Variants in SH3BGRL observed in about 807,000 individuals in gnomAD.
SH3BGRL encodes SH3 domain binding glutamate rich protein like.
In SH3BGRL, 7 loss-of-function variants were observed where a neutral mutation model predicts 9.8. That is an observed-to-expected ratio of 0.72 (90% confidence interval 0.41 to 1.35). SH3BGRL has a LOEUF of 1.35. SH3BGRL is among the 40% of genes most tolerant of loss of function. The probability of loss-of-function intolerance (pLI) is 0.01; values close to 1 mark genes in which losing one functional copy is unlikely to be tolerated. For missense variants in SH3BGRL, 73 were observed against 84.4 expected (o/e 0.86, Z 0.53); for synonymous variants, 36 against 29.1 (o/e 1.24, Z -0.76).
At chrX:81,254,026 C>T (rs773549883) in intron 1 of SH3BGRL, among the ~76,000 whole-genome samples, 7 of 111,451 alleles carry the variant, frequency 6.3e-5, no homozygotes, top group Non-Finnish European at 1.3e-4. Flanking sequence ...GTGTTATCTG[C>T]CAGCATCCTT....
At chrX:81,267,650 A>T (rs931945056) in intron 1 of SH3BGRL, among the ~76,000 whole-genome samples, 1 of 111,298 alleles carries the variant, frequency 9.0e-6, no homozygotes, top group Non-Finnish European at 1.9e-5. Flanking sequence ...TTCATCAGGG[A>T]TATTGGCCTA....
chrX:81,277,012 G>T lies in SH3BGRL; in HGVS notation c.74G>T (p.Gly25Val). The T allele has an allele frequency of 1.7e-6, 2 of 1,208,656 alleles. No individual in the cohort carries two copies. Among genetic ancestry groups the T allele is most frequent in the Non-Finnish European group, 2.2e-6 (2 of 894,113 alleles). ...AAGAAGAAACAACAAGATGTGCTTG[G>T]TTTCCTAGAAGCCAACAAAATAGGA... ...AIKKKQQDVL[G>V]FLEANKIGFE... Residue 25 changes from glycine (G) to valine (V), a missense_variant, in exon 2 of 4, where the codon GGT (glycine) becomes GTT (valine). Coordinates refer to ENST00000373212, the MANE Select transcript of SH3BGRL (RefSeq NM_003022.3).
intron 3 of SH3BGRL, among the ~76,000 whole-genome samples, chrX:81,284,439 G>A (rs1209678531): frequency 9.1e-6 from 1 of 110,088 alleles, no homozygotes; most frequent in Non-Finnish European, 1.9e-5. Flanking sequence ...AGGAATTAAT[G>A]AGTTGCTTGT....
At chrX:81,253,970 A>T (rs2075718244) in intron 1 of SH3BGRL, among the ~76,000 whole-genome samples, 1 of 111,427 alleles carries the variant, frequency 9.0e-6, no homozygotes, top group Non-Finnish European at 1.9e-5. Context: ...GGTAAAAGAA[A>T]ATGCTGATAC....
intron 1 of SH3BGRL, among the ~76,000 whole-genome samples, chrX:81,269,532 T>G (rs1044520380): frequency 1.7e-4 from 19 of 111,980 alleles, no homozygotes; most frequent in African/African-American, 6.2e-4. Context: ...TTTAAGAATG[T>G]TGAATATTGG....
At chrX:81,243,352 G>T (rs1410046506) in intron 1 of SH3BGRL, among the ~76,000 whole-genome samples, 1 of 111,859 alleles carries the variant, frequency 8.9e-6, no homozygotes, top group Non-Finnish European at 1.9e-5. Flanking sequence ...TAAACTCATG[G>T]CCATAGAAAG....
At chrX:81,277,226 T>A in intron 2 of SH3BGRL, 57 bp downstream of exon 2, 1 of 1,006,910 alleles carries the variant, frequency 9.9e-7, no homozygotes, top group African/African-American at 1.9e-5. Flanking sequence ...AATCTATCCA[T>A]TATTTTCACC....
In SH3BGRL at chrX:81,286,806, C is replaced by G. The variant is rs755626887; in HGVS notation, c.312+8395C>G. On this transcript the variant is annotated intron_variant, in intron 3 of 3. Coordinates refer to ENST00000373212, the MANE Select transcript of SH3BGRL (RefSeq NM_003022.3). ...AGGAAGAGAACATTATATGCTTGCT[C>G]TTAAAGCTCTCTGTTTGATTGGATG... Among the ~76,000 whole-genome samples the G allele has an allele frequency of 9.9e-5, 11 of 111,238 alleles. 1 individual carries two copies. Among genetic ancestry groups the G allele is most frequent in the Non-Finnish European group, 1.9e-4 (10 of 52,944 alleles).
intron 3 of SH3BGRL, among the ~76,000 whole-genome samples, chrX:81,278,735 T>C (rs1158383843): frequency 1.8e-5 from 2 of 112,132 alleles, no homozygotes; most frequent in Non-Finnish European, 3.8e-5. Flanking sequence ...TGCATGGTTC[T>C]ACATCGACAG....
rs781192838 is a variant in SH3BGRL at position 81,278,423 on chromosome X, T to G, written c.312+12T>G. On this transcript the variant is annotated intron_variant, in intron 3 of 3. Coordinates refer to ENST00000373212, the MANE Select transcript of SH3BGRL (RefSeq NM_003022.3). ...CACCTGGTTCAAAGGTATGATACCCTTTTTTTCCTGTTTTATAGGTCATTT... is the reference window on the plus strand; with the variant it reads ...CACCTGGTTCAAAGGTATGATACCCGTTTTTTCCTGTTTTATAGGTCATTT... 2 of 1,070,017 alleles carry G rather than the reference T, an allele frequency of 1.9e-6. No homozygotes were observed. Among genetic ancestry groups the G allele is most frequent in the Admixed American group, 2.5e-5 (1 of 39,303 alleles). The allele number at this position is 1,070,017 out of a possible 1,213,427, so 88.2% of individuals were successfully genotyped here. A position where few individuals can be genotyped will look rare whatever the true frequency, so the allele number is the denominator to read the frequency against.
At chrX:81,277,311 C>T in intron 2 of SH3BGRL, 142 bp downstream of exon 2, 1 of 501,141 alleles carries the variant, frequency 2.0e-6, no homozygotes, top group Non-Finnish European at 3.3e-6. Flanking sequence ...CACTCAAAGG[C>T]TGGATGTAGA....
rs749139599 is a variant in SH3BGRL at position 81,216,313 on chromosome X, A to G, written c.45+14068A>G. Among the ~76,000 whole-genome samples, 9 of 110,926 alleles carry G rather than the reference A, an allele frequency of 8.1e-5. No individual in the cohort carries two copies. In the East Asian group the frequency reaches 2.0e-3, roughly 24 times the overall value. ...TTTTCAATTTTTAATTTTTGTGCGT[A>G]CAGAGTAGGTACACATATTTATGAG... On this transcript the variant is annotated intron_variant, in intron 1 of 3. Transcript: ENST00000373212.
intron 1 of SH3BGRL, among the ~76,000 whole-genome samples, chrX:81,238,675 A>G (rs113519341): frequency 0.051 from 5,655 of 110,747 alleles, 165 homozygotes; most frequent in South Asian, 0.21. Context: ...TGATTACAGC[A>G]GGGCTCGGGT....
At chrX:81,203,112 A>C (rs759608927) in intron 1 of SH3BGRL, among the ~76,000 whole-genome samples, 4 of 111,446 alleles carry the variant, frequency 3.6e-5, no homozygotes, top group African/African-American at 1.3e-4. Flanking sequence ...GAATATGATA[A>C]ACTGGGGTGC....
intron 3 of SH3BGRL, among the ~76,000 whole-genome samples, chrX:81,284,777 G>A (rs1426365673): frequency 9.0e-6 from 1 of 110,539 alleles, no homozygotes; most frequent in East Asian, 2.8e-4. Context: ...AAATTGGCTA[G>A]GGAATAGGCT....
At chrX:81,264,422 C>T (rs2075749975) in intron 1 of SH3BGRL, among the ~76,000 whole-genome samples, 1 of 111,513 alleles carries the variant, frequency 9.0e-6, no homozygotes, top group South Asian at 3.8e-4. Context: ...TGGATAGCCA[C>T]CCCAAAAAGG....
At chrX:81,224,529 A>T (rs2147675097) in intron 1 of SH3BGRL, among the ~76,000 whole-genome samples, 1 of 111,633 alleles carries the variant, frequency 9.0e-6, no homozygotes, top group African/African-American at 3.2e-5. Context: ...TTTAAAACAC[A>T]ATTTATAATG....
At chrX:81,219,655 A>G (rs1452075711) in intron 1 of SH3BGRL, among the ~76,000 whole-genome samples, 1 of 111,534 alleles carries the variant, frequency 9.0e-6, no homozygotes, top group Non-Finnish European at 1.9e-5. Flanking sequence ...TTTTAGTAGT[A>G]TGTTGAATAA....
chrX:81,220,747 C>T (rs1395069120), intron 1 of SH3BGRL, among the ~76,000 whole-genome samples: 2 of 110,178 alleles, frequency 1.8e-5, no homozygotes, highest in African/African-American at 6.6e-5. Flanking sequence ...TTTAAGTCAC[C>T]CTTATAGCTA....
Sources: allele counts gnomAD v4.1 joint callset (sites outside exome capture counted in the v4.1 genomes callset), GRCh38; gene constraint gnomAD v4.1.1; transcripts MANE v1.5; gene names NCBI Gene and HGNC (gene_info 2026-07-23, HGNC 2026-07-21).